LRRC36: variants seen among roughly 807,000 people sequenced by gnomAD.
LRRC36 encodes the protein leucine-rich repeat-containing protein 36.
Under a neutral mutation model 81.1 loss-of-function variants are expected in LRRC36, and 62 were observed. The ratio of observed to expected loss-of-function variants is 0.76; its 90% CI spans 0.62 to 0.94. LRRC36 has a LOEUF of 0.94. Among genes scored for constraint, LRRC36 ranks in the 40% least tolerant of loss-of-function variants. The pLI is 0.00. For synonymous variants in LRRC36, 334 were observed against 348.6 expected (o/e 0.96, Z 0.47); for missense variants, 761 against 881.7 (o/e 0.86, Z 1.73).
chr16:67,384,688 A>G (rs549300117), intron 13 of LRRC36, among the ~76,000 whole-genome samples, 182 bp from the exon 14 acceptor site: 1 of 152,360 alleles, frequency 6.6e-6, no homozygotes, highest in South Asian at 2.1e-4. Context: ...ATATAATCAA[A>G]CAGAATTGTA....
At chr16:67,377,410 A>G (rs1440912774) in intron 11 of LRRC36, among the ~76,000 whole-genome samples, 1 of 152,174 alleles carries the variant, frequency 6.6e-6, no homozygotes, top group Non-Finnish European at 1.5e-5. Flanking sequence ...GGCTCACTGC[A>G]ACCTCTGCCC....
Position 67,354,605 on chromosome 16 carries a change from A to G in LRRC36, c.577+4315A>G, listed in dbSNP as rs2038814534. ...TAATCTGATTTTTAAAACATATTTTATTTTTTAGAACAGTTTTAGATTCAC... is the reference window on the plus strand; with the variant it reads ...TAATCTGATTTTTAAAACATATTTTGTTTTTTAGAACAGTTTTAGATTCAC... On this transcript the variant is annotated intron_variant, in intron 5 of 13. Coordinates refer to ENST00000329956, the MANE Select transcript of LRRC36 (RefSeq NM_018296.6). Among the ~76,000 whole-genome samples, 3 of 152,122 alleles carry G rather than the reference A, an allele frequency of 2.0e-5. No homozygotes were observed. The South Asian group carries it at 6.2e-4, about 32-fold the overall frequency.
chr16:67,350,061 G>A (rs2038547501), intron 4 of LRRC36, 141 bp from the exon 5 acceptor site: 2 of 550,396 alleles, frequency 3.6e-6, no homozygotes, highest in African/African-American at 3.9e-5. Context: ...GTGCCCGGCT[G>A]AAACATAATT....
Position 67,370,949 on chromosome 16 carries a change from TATGCCACAACCC to T in LRRC36, c.1204_1215del (p.Ala402_His405del). On this transcript the variant is annotated inframe_deletion, in exon 9 of 14. Coordinates refer to ENST00000329956, the MANE Select transcript of LRRC36 (RefSeq NM_018296.6). ...TTAGCCTGTTTCCTCCACAGATCTG[TATGCCACAACCC>T]ATTTCAACAGTGACCCTGCTGTACT... 1.9e-6 allele frequency: 3 copies of T among 1,612,102 alleles called. No individual in the cohort carries two copies. The highest frequency in any genetic ancestry group is 1.7e-6 in the Non-Finnish European group (2 of 1,178,386).
At chr16:67,342,150 A>C in intron 2 of LRRC36, 66 bp downstream of exon 2, 1 of 1,188,220 alleles carries the variant, frequency 8.4e-7, no homozygotes, top group Non-Finnish European at 1.1e-6. Flanking sequence ...AAGAAATAAG[A>C]GATAGATCAT....
chr16:67,341,031 C>A (rs1169674288), intron 1 of LRRC36, among the ~76,000 whole-genome samples: 1 of 114,736 alleles, frequency 8.7e-6, no homozygotes, highest in African/African-American at 3.6e-5. Context: ...ATGTACTCTA[C>A]ATATTCTATA....
chr16:67,341,285 T>TCTATAGACAGTCTATAGACTATAGA (rs1288045291), intron 1 of LRRC36, among the ~76,000 whole-genome samples: 5 of 134,376 alleles, frequency 3.7e-5, no homozygotes, highest in East Asian at 2.0e-4. Flanking sequence ...CTATCTATAG[T>TCTATAGACAGTCTATAGACTATAGA]CTATAGACAG....
At chr16:67,355,406 G>C (rs1330192903) in intron 5 of LRRC36, among the ~76,000 whole-genome samples, 1 of 113,904 alleles carries the variant, frequency 8.8e-6, no homozygotes, top group African/African-American at 3.4e-5. Context: ...ACGGAGTCTC[G>C]CTCTGTCGCC....
intron 5 of LRRC36, among the ~76,000 whole-genome samples, chr16:67,361,673 A>G (rs1490071411): frequency 2.0e-5 from 3 of 152,102 alleles, no homozygotes; most frequent in Non-Finnish European, 2.9e-5. Flanking sequence ...CCCGGGTTCA[A>G]GCGATTCTCC....
rs2039430430 is a variant in LRRC36 at position 67,367,068 on chromosome 16, T to G, written c.806T>G (p.Met269Arg). Residue 269 changes from methionine (M) to arginine (R), a missense_variant, in exon 8 of 14, where the codon ATG becomes AGG. By Grantham distance (91) the Met-to-Arg change is moderately conservative. Transcript: ENST00000329956. ...RQSTVRSPEKMTREGYQVSFL... is the reference protein window; with the variant it reads ...RQSTVRSPEKRTREGYQVSFL... ...TCCACAGTCCGATCCCCAGAGAAGA[T>G]GACTAGAGAAGGGTACCAAGTATCT... The G allele has an allele frequency of 1.2e-6, 2 of 1,613,994 alleles. No homozygotes were observed. Among genetic ancestry groups the G allele is most frequent in the Non-Finnish European group, 1.7e-6 (2 of 1,179,976 alleles).
intron 7 of LRRC36, among the ~76,000 whole-genome samples, chr16:67,366,209 G>A (rs773109130): frequency 1.3e-5 from 2 of 151,790 alleles, no homozygotes; most frequent in Non-Finnish European, 2.9e-5. Context: ...CTGGAGTACA[G>A]TACAGTGGCA....
intron 9 of LRRC36, among the ~76,000 whole-genome samples, chr16:67,373,990 G>A (rs1456902271): frequency 2.0e-5 from 3 of 151,880 alleles, no homozygotes; most frequent in Admixed American, 1.3e-4. Flanking sequence ...TCCAGCCTGG[G>A]CAATAGAGCA....
intron 4 of LRRC36, among the ~76,000 whole-genome samples, chr16:67,348,116 A>AC (rs1167698234): frequency 1.3e-5 from 2 of 152,220 alleles, no homozygotes; most frequent in Non-Finnish European, 2.9e-5. Context: ...ATTATCTTCT[A>AC]CCCCCAAACC....
intron 1 of LRRC36, among the ~76,000 whole-genome samples, chr16:67,340,510 G>A (rs1439570682): frequency 6.6e-6 from 1 of 151,732 alleles, no homozygotes; most frequent in African/African-American, 2.4e-5. Flanking sequence ...CAAAAAATTA[G>A]CCGGGTGTGG....
intron 4 of LRRC36, chr16:67,348,677 A>C (rs2038472124): frequency 6.6e-6 from 1 of 152,134 alleles, no homozygotes; most frequent in South Asian, 2.1e-4. Flanking sequence ...CATTATTCTT[A>C]TATTATTCTC....
chr16:67,367,683 C>G (rs1301499385), intron 8 of LRRC36, among the ~76,000 whole-genome samples: 1 of 152,154 alleles, frequency 6.6e-6, no homozygotes, highest in Non-Finnish European at 1.5e-5. Context: ...CAGCTACTTG[C>G]TATTTTAGTT....
chr16:67,379,466 C>T (rs149909192), intron 12 of LRRC36, among the ~76,000 whole-genome samples: 79 of 152,224 alleles, frequency 5.2e-4, no homozygotes, highest in African/African-American at 1.8e-3. Flanking sequence ...CCTGTAATCC[C>T]AGCACTTTGG....
At chr16:67,382,559 G>A (rs539727170) in intron 13 of LRRC36, among the ~76,000 whole-genome samples, 17 of 152,184 alleles carry the variant, frequency 1.1e-4, no homozygotes, top group South Asian at 8.3e-4. Flanking sequence ...CCCTAAAGTC[G>A]GCCATCTGGC....
At chr16:67,343,856 G>A (rs541818271) in intron 2 of LRRC36, among the ~76,000 whole-genome samples, 12 of 151,832 alleles carry the variant, frequency 7.9e-5, no homozygotes, top group Admixed American at 6.6e-4. Flanking sequence ...TCACTCTGTC[G>A]TCCAGGTTGG....
Sources: gnomAD v4.1 joint callset for allele counts (sites outside exome capture counted in the v4.1 genomes callset) on GRCh38, gnomAD v4.1.1 for gene constraint, MANE v1.5 for transcripts, NCBI Gene and HGNC (gene_info 2026-07-23, HGNC 2026-07-21) for gene names.